Variants in DPF3 observed in about 807,000 individuals in gnomAD.
DPF3 encodes the protein zinc finger protein DPF3.
In DPF3, 18 loss-of-function variants were observed where a neutral mutation model predicts 56.8. That is an observed-to-expected ratio of 0.32 (90% CI 0.22 to 0.47). The LOEUF (loss-of-function observed/expected upper bound fraction) is 0.47, where lower values mean the gene tolerates loss of function less well. DPF3 is among the 20% of genes least tolerant of loss of function. The probability of loss-of-function intolerance (pLI) is 1.00; values close to 1 mark genes in which losing one functional copy is unlikely to be tolerated. For missense variants in DPF3, 403 were observed against 488.8 expected (o/e 0.82, Z 1.65); for synonymous variants, 188 against 180.2 (o/e 1.04, Z -0.35).
At chr14:72,744,350 G>A (rs1457101016) in intron 3 of DPF3, among the ~76,000 whole-genome samples, 2 of 152,080 alleles carry the variant, frequency 1.3e-5, no homozygotes, top group Non-Finnish European at 2.9e-5. Context: ...ATGGCTCACT[G>A]CAGCCACAAC....
intron 5 of DPF3, among the ~76,000 whole-genome samples, chr14:72,718,062 G>T (rs1248498508): frequency 6.6e-6 from 1 of 152,206 alleles, no homozygotes; most frequent in Admixed American, 6.5e-5. Flanking sequence ...TAGGCCACTT[G>T]AACTGAGGGC....
chr14:72,816,067 T>C (rs899008679), intron 1 of DPF3, among the ~76,000 whole-genome samples: 1 of 152,094 alleles, frequency 6.6e-6, no homozygotes, highest in Non-Finnish European at 1.5e-5. Context: ...ACAGTGAAAA[T>C]CATGTTCAAC....
chr14:72,887,750 G>A (rs1218142377), intron 1 of DPF3, among the ~76,000 whole-genome samples: 1 of 152,164 alleles, frequency 6.6e-6, no homozygotes, highest in Non-Finnish European at 1.5e-5. Context: ...GGAGCTCAAG[G>A]CTTGGGATTC....
chr14:72,758,869 T>C (rs1030393054), intron 2 of DPF3, among the ~76,000 whole-genome samples: 2 of 152,200 alleles, frequency 1.3e-5, no homozygotes, highest in Non-Finnish European at 2.9e-5. Context: ...AGAACATTTA[T>C]AGGAATAAAA....
chr14:72,880,455 A>T (rs937393314), intron 1 of DPF3, among the ~76,000 whole-genome samples: 1 of 152,220 alleles, frequency 6.6e-6, no homozygotes, highest in Non-Finnish European at 1.5e-5. Flanking sequence ...TAGTTCTGAA[A>T]CCAGCCCCTC....
At position 72,614,891 on chromosome 14, in the gene DPF3, T is replaced by G. The variant is rs1027780692; in HGVS notation, c.*4406A>C. Among the ~76,000 whole-genome samples, 5 of 151,488 alleles carry G rather than the reference T, an allele frequency of 3.3e-5. No individual in the cohort carries two copies. The highest frequency in any genetic ancestry group is 1.5e-5 in the Non-Finnish European group (1 of 67,930). On this transcript the variant is annotated 3_prime_UTR_variant, in exon 11 of 11. Coordinates refer to ENST00000556509, the MANE Select transcript of DPF3 (RefSeq NM_001280542.3). ...GCTCTCTGCCTTTTTCCACCAGAGA[T>G]CCTCACCCCTCCCAAATGCCCTCCC...
intron 8 of DPF3, chr14:72,661,511 C>T (rs79989450): frequency 0.013 from 13,124 of 985,554 alleles, 372 homozygotes; most frequent in African/African-American, 0.098. Flanking sequence ...AAGCCCAGTG[C>T]AGTGGGGAGC....
intron 1 of DPF3, among the ~76,000 whole-genome samples, chr14:72,886,306 A>G (rs561163049): frequency 6.6e-6 from 1 of 152,264 alleles, no homozygotes; most frequent in South Asian, 2.1e-4. Flanking sequence ...TGGGAGGCGG[A>G]GGTTGCAGTG....
At chr14:72,641,325 C>T (rs1166770464) in intron 8 of DPF3, among the ~76,000 whole-genome samples, 1 of 152,232 alleles carries the variant, frequency 6.6e-6, no homozygotes, top group Non-Finnish European at 1.5e-5. Context: ...GCACAATGAT[C>T]TCAGGAACAT....
Position 72,795,337 on chromosome 14 carries a change from A to C in DPF3, c.33-23444T>G, listed in dbSNP as rs140608816. The stretch of plus-strand genomic sequence containing the variant: ...ATATATAAGGCAGATGGTGCCTAAG[A>C]GCATAGGATTTGGAACCACATCGCT... On this transcript the variant is annotated intron_variant, in intron 1 of 10. Transcript: ENST00000556509. Among the ~76,000 whole-genome samples the C allele has an allele frequency of 5.5e-3, 821 of 148,248 alleles. 7 individuals carry two copies. Among genetic ancestry groups the C allele is most frequent in the African/African-American group, 0.019 (780 of 40,616 alleles).
At chr14:72,861,248 T>A (rs568241138) in intron 1 of DPF3, among the ~76,000 whole-genome samples, 5 of 152,326 alleles carry the variant, frequency 3.3e-5, no homozygotes, top group Admixed American at 3.3e-4. Context: ...TTTATTGCTA[T>A]GATTATGTAA....
intron 8 of DPF3, among the ~76,000 whole-genome samples, chr14:72,668,609 T>C (rs1270715941): frequency 6.6e-6 from 1 of 152,194 alleles, no homozygotes; most frequent in Non-Finnish European, 1.5e-5. Context: ...AAATGGTTAG[T>C]TTCTCTGTTA....
chr14:72,642,232 G>A (rs993867210), intron 8 of DPF3, among the ~76,000 whole-genome samples: 4 of 152,236 alleles, frequency 2.6e-5, no homozygotes, highest in Non-Finnish European at 4.4e-5. Flanking sequence ...CAGAAGCTAT[G>A]AGATAATAAA....
intron 1 of DPF3, among the ~76,000 whole-genome samples, chr14:72,813,212 C>T (rs925472277): frequency 6.6e-6 from 1 of 151,912 alleles, no homozygotes; most frequent in Non-Finnish European, 1.5e-5. Context: ...GTTCAGGGGA[C>T]AAAAAATAGG....
At chr14:72,800,624 GGATGCATGGATGCACAGA>G (rs1293214710) in intron 1 of DPF3, among the ~76,000 whole-genome samples, 3 of 152,000 alleles carry the variant, frequency 2.0e-5, no homozygotes, top group Non-Finnish European at 4.4e-5. Flanking sequence ...ATGCACAGAT[GGATGCATGGATGCACAGA>G]TGGATGCATG....
chr14:72,831,304 G>C (rs1174135720), intron 1 of DPF3, among the ~76,000 whole-genome samples: 4 of 151,686 alleles, frequency 2.6e-5, no homozygotes, highest in African/African-American at 9.7e-5. Flanking sequence ...ACCCCACCAA[G>C]ACCACCTCCC....
chr14:72,674,082 G>T (rs895197766), intron 8 of DPF3, 158 bp downstream of exon 8: 4 of 1,187,546 alleles, frequency 3.4e-6, no homozygotes, highest in Non-Finnish European at 4.5e-6. Context: ...GAGACCCAAA[G>T]AAGAAAAATA....
At chr14:72,633,563 AAGG>A (rs1388451534) in intron 8 of DPF3, among the ~76,000 whole-genome samples, 1 of 152,138 alleles carries the variant, frequency 6.6e-6, no homozygotes, top group African/African-American at 2.4e-5. Flanking sequence ...AGGTTTCAAG[AAGG>A]AGAAGGTGGT....
intron 1 of DPF3, among the ~76,000 whole-genome samples, chr14:72,791,074 C>T (rs1185944638): frequency 6.6e-6 from 1 of 152,160 alleles, no homozygotes; most frequent in Non-Finnish European, 1.5e-5. Context: ...GGTCACAGCT[C>T]CTGTGGGCCA....
Sources: gnomAD v4.1 joint callset for allele counts (sites outside exome capture counted in the v4.1 genomes callset) on GRCh38, gnomAD v4.1.1 for gene constraint, MANE v1.5 for transcripts, NCBI Gene and HGNC (gene_info 2026-07-23, HGNC 2026-07-21) for gene names.